IL21: variants seen among roughly 807,000 people sequenced by gnomAD.
IL21 encodes interleukin-21.
In IL21, 3 loss-of-function variants were observed where a neutral mutation model predicts 18.4. The observed-to-expected ratio is 0.16, with a 90% CI of 0.07 to 0.42. IL21 has a LOEUF of 0.42. Among genes scored for constraint, IL21 ranks in the 10% least tolerant of loss-of-function variants. The pLI is 0.99. For synonymous variants in IL21, 37 were observed against 62.0 expected (o/e 0.60, Z 1.90); for missense variants, 130 against 188.4 (o/e 0.69, Z 1.81).
At chr4:122,615,528 A>T (rs764115666) in intron 3 of IL21, among the ~76,000 whole-genome samples, 154 bp downstream of exon 3, 37 of 7,404 alleles carry the variant, frequency 5.0e-3, no homozygotes, top group Non-Finnish European at 7.3e-3. Flanking sequence ...ACTCTGTCTT[A>T]AAAAAAAAAA....
chr4:122,618,870 A>G (rs1043158470), intron 2 of IL21: 1 of 151,096 alleles, frequency 6.6e-6, no homozygotes, highest in Non-Finnish European at 1.5e-5. Context: ...GGTTTATATC[A>G]GGGTTTCTCA....
In IL21 at chr4:122,612,614, G is replaced by A. The variant is rs1206936457; in HGVS notation, c.*96C>T. 1.6e-5 allele frequency: 14 copies of A among 867,076 alleles called. No homozygotes were observed. Among genetic ancestry groups the A allele is most frequent in the East Asian group, 2.5e-5 (1 of 39,718 alleles). The allele number at this position is 867,076 out of a possible 1,614,324, so 53.7% of individuals were successfully genotyped here. ...CACTTATGAGTTTTTTTTTCCCATCGCTAATATATTGTACTCCTCCACTTG... is the reference window on the plus strand; with the variant it reads ...CACTTATGAGTTTTTTTTTCCCATCACTAATATATTGTACTCCTCCACTTG... On this transcript the variant is annotated 3_prime_UTR_variant, in exon 5 of 5. Transcript: ENST00000648588.
chr4:122,616,414 G>C (rs1420927337), intron 2 of IL21, among the ~76,000 whole-genome samples: 1 of 152,212 alleles, frequency 6.6e-6, no homozygotes, highest in Non-Finnish European at 1.5e-5. Flanking sequence ...GAGAAAGGAA[G>C]TGGGTACCTC....
intron 2 of IL21, among the ~76,000 whole-genome samples, chr4:122,616,289 G>A (rs905970972): frequency 3.9e-5 from 6 of 152,168 alleles, no homozygotes; most frequent in Non-Finnish European, 5.9e-5. Flanking sequence ...ATCATGACAT[G>A]TCTTGAGCAG....
Position 122,610,177 on chromosome 4 carries a change from A to C in IL21, c.*2533T>G, listed in dbSNP as rs974706122. 2.0e-5 allele frequency among the ~76,000 whole-genome samples: 3 copies of C among 152,210 alleles called. No homozygotes were observed. The highest frequency in any genetic ancestry group is 7.2e-5 in the African/African-American group (3 of 41,458). On this transcript the variant is annotated 3_prime_UTR_variant, in exon 5 of 5. Transcript: ENST00000648588. ...GCCATAAACATGAACATTTAAAATC[A>C]AATATATAATAAATAATTATTAAGT...
At chr4:122,615,902 C>T in intron 2 of IL21, 65 bp from the exon 3 acceptor site, 1 of 1,353,458 alleles carries the variant, frequency 7.4e-7, no homozygotes, top group Non-Finnish European at 1.0e-6. Context: ...GATAGCTTTC[C>T]CAATCCTCTA....
chr4:122,613,347 CTTTTTTTTTTT>C (rs34061725), intron 3 of IL21, among the ~76,000 whole-genome samples: 2 of 94,946 alleles, frequency 2.1e-5, no homozygotes, highest in Non-Finnish European at 4.2e-5. Context: ...TTGCATCTAA[CTTTTTTTTTTT>C]TTTTTTTTTT....
At chr4:122,620,032 T>C (rs952329039) in intron 2 of IL21, 2 of 152,234 alleles carry the variant, frequency 1.3e-5, no homozygotes, top group African/African-American at 4.8e-5. Context: ...ACAGCACTCT[T>C]GAACTACATG....
In IL21 at chr4:122,615,720, G is replaced by A. The variant is rs1377593692; in HGVS notation, c.322C>T (p.Pro108Ser). The A allele has an allele frequency of 1.9e-6, 3 of 1,613,660 alleles. No homozygotes were observed. The highest frequency in any genetic ancestry group is 1.1e-5 in the South Asian group (1 of 90,928). Residue 108 changes from proline to serine, a missense_variant, in exon 3 of 5, where the codon CCT becomes TCT. By Grantham distance (74) the Pro-to-Ser change is moderately conservative. Transcript: ENST00000648588. ...VSIKKLKRKP[P>S]STNAGRRQKH... ...TGTCTTCTCCCTGCATTTGTGGAAG[G>A]TGGTTTCCTCTTCAGCTTTTTAATT...
chr4:122,617,486 A>G (rs1408935280), intron 2 of IL21, among the ~76,000 whole-genome samples: 1 of 152,242 alleles, frequency 6.6e-6, no homozygotes, highest in East Asian at 1.9e-4. Flanking sequence ...TTACATGTGT[A>G]TGCTGAAAGA....
intron 2 of IL21, among the ~76,000 whole-genome samples, chr4:122,617,777 C>T (rs1799359688): frequency 6.6e-6 from 1 of 152,176 alleles, no homozygotes; most frequent in African/African-American, 2.4e-5. Context: ...AGCAGCAGAG[C>T]TGTGTCTGGC....
At chr4:122,618,871 G>T (rs921987337) in intron 2 of IL21, 1 of 148,612 alleles carries the variant, frequency 6.7e-6, no homozygotes, top group Non-Finnish European at 1.5e-5. Context: ...GTTTATATCA[G>T]GGTTTCTCAA....
intron 3 of IL21, 118 bp from the exon 4 acceptor site, chr4:122,613,046 T>C (rs1249313706): frequency 9.6e-6 from 6 of 627,700 alleles, no homozygotes; most frequent in Non-Finnish European, 1.6e-5. Flanking sequence ...ATTCGAGAAG[T>C]ACATAAAACT....
At chr4:122,620,552 C>T (rs1799411631) in intron 2 of IL21, 149 bp downstream of exon 2, 6 of 691,706 alleles carry the variant, frequency 8.7e-6, no homozygotes, top group South Asian at 7.8e-5. Context: ...TGAATTTAAC[C>T]AAAATATAAA....
In IL21 at chr4:122,610,596, A is replaced by G. The variant is rs974852049; in HGVS notation, c.*2114T>C. Among the ~76,000 whole-genome samples, 6 of 152,246 alleles carry G rather than the reference A, an allele frequency of 3.9e-5. No homozygotes were observed. The highest frequency in any genetic ancestry group is 1.4e-4 in the African/African-American group (6 of 41,468). The stretch of plus-strand genomic sequence containing the variant: ...CATTTAAAGCTTTAAAAAAGAAAGA[A>G]TAGACATTAGAGATTAAGTCCAGCA... On this transcript the variant is annotated 3_prime_UTR_variant, in exon 5 of 5. Coordinates refer to ENST00000648588, the MANE Select transcript of IL21 (RefSeq NM_021803.4).
At chr4:122,615,652 A>G in intron 3 of IL21, 30 bp downstream of exon 3, 1 of 1,596,658 alleles carries the variant, frequency 6.3e-7, no homozygotes, top group Non-Finnish European at 8.5e-7. Flanking sequence ...TATAAGTACA[A>G]ATAAGAGAGA....
At position 122,619,448 on chromosome 4, in the gene IL21, A is replaced by G. The variant is rs561424037; in HGVS notation, c.204+1253T>C. 5.8e-4 allele frequency: 88 copies of G among 152,344 alleles called. 4 individuals carry two copies. The highest frequency in any genetic ancestry group is 5.6e-3 in the Admixed American group (85 of 15,304). 9.4% of individuals were successfully genotyped at this position (152,344 alleles called of 1,614,324 possible). A position where few individuals can be genotyped will look rare whatever the true frequency, so the allele number is the denominator to read the frequency against. ...AAGATAAAAAATATCTTTCATTAAC[A>G]ACACACGTAAAGGAAGTACCCACTG... On this transcript the variant is annotated intron_variant, in intron 2 of 4. Coordinates refer to ENST00000648588, the MANE Select transcript of IL21 (RefSeq NM_021803.4).
Position 122,611,438 on chromosome 4 carries a change from A to G in IL21, c.*1272T>C, listed in dbSNP as rs969964922. Among the ~76,000 whole-genome samples the G allele has an allele frequency of 2.0e-5, 3 of 152,192 alleles. No individual in the cohort carries two copies. The highest frequency in any genetic ancestry group is 6.5e-5 in the Admixed American group (1 of 15,280). ...GAGCATAAAGCATTTCTCATCCCAC[A>G]TCCTCTTGCATAATCACAACTATTT... On this transcript the variant is annotated 3_prime_UTR_variant, in exon 5 of 5. Transcript: ENST00000648588.
chr4:122,614,730 T>C (rs1458060362), intron 3 of IL21, among the ~76,000 whole-genome samples: 2 of 151,632 alleles, frequency 1.3e-5, no homozygotes, highest in African/African-American at 4.8e-5. Context: ...TTTTTGAGAG[T>C]AATTTATTTT....
Sources: gnomAD v4.1 joint callset for allele counts (sites outside exome capture counted in the v4.1 genomes callset) on GRCh38, gnomAD v4.1.1 for gene constraint, MANE v1.5 for transcripts, NCBI Gene and HGNC (gene_info 2026-07-23, HGNC 2026-07-21) for gene names.